Variants in C14orf39 observed in about 807,000 individuals in gnomAD.
The protein encoded by C14orf39 is chromosome 14 open reading frame 39, also known as protein SIX6OS1.
A neutral mutation model predicts 85.6 loss-of-function variants in C14orf39; 66 were observed. The ratio of observed to expected loss-of-function variants is 0.77; its 90% CI spans 0.63 to 0.95. The LOEUF is 0.95. Ranked by LOEUF, C14orf39 falls within the 40% of genes least tolerant of loss-of-function variation. C14orf39 has a pLI of 0.00. For missense variants in C14orf39, 735 were observed against 663.9 expected, an observed-to-expected ratio of 1.11 and a Z score of -1.18; for synonymous variants, 242 against 214.0, an observed-to-expected ratio of 1.13 and a Z score of -1.14.
chr14:60,484,980 A>T lies in C14orf39; in HGVS notation c.50-43T>A, dbSNP rs758297178. Reference sequence around the variant, plus strand: ...CTTGTGACTTCAATTCATTGTTAAAATATCAAATGATCATACAAAAAGCTA... The same window carrying T: ...CTTGTGACTTCAATTCATTGTTAAATTATCAAATGATCATACAAAAAGCTA... On this transcript the variant is annotated intron_variant, in intron 2 of 17. Transcript: ENST00000321731. This position sits in a 1 kb window ranked among gnomAD's most constrained non-coding sequence, Gnocchi z 4.2. 6.3e-7 allele frequency: 1 copy of T among 1,580,864 alleles called. No homozygotes were observed. The highest frequency in any genetic ancestry group is 8.6e-7 in the Non-Finnish European group (1 of 1,165,354).
At position 60,437,013 on chromosome 14, in the gene C14orf39, G is replaced by A; in HGVS notation, c.1596C>T (p.Gly532=). Residue 532 remains glycine, a synonymous_variant, in exon 18 of 18, where the codon GGC becomes GGT. Transcript: ENST00000321731. ...TGTCTGATGGAAAAGAAAATGTAAAGCCATCTTCTCCTTCTGGCTTCTCAA... is the reference window on the plus strand; with the variant it reads ...TGTCTGATGGAAAAGAAAATGTAAAACCATCTTCTCCTTCTGGCTTCTCAA... The part of the protein sequence containing the change: ...NLLEKPEGED[G]FTFSFPSDTS... The A allele has an allele frequency of 6.2e-7, 1 of 1,610,166 alleles. No individual in the cohort carries two copies. Among genetic ancestry groups the A allele is most frequent in the South Asian group, 1.1e-5 (1 of 89,904 alleles).
chr14:60,455,001 C>A lies in C14orf39; in HGVS notation c.1503G>T (p.Gln501His). Residue 501 changes from glutamine (Q) to histidine (H), a missense_variant and splice_region_variant, in exon 16 of 18, where the codon CAG (glutamine) becomes CAT (histidine). Gln to His is a conservative substitution (Grantham distance 24). Coordinates refer to ENST00000321731, the MANE Select transcript of C14orf39 (RefSeq NM_174978.3). ...TAAAACTTTTGGCTTCTCATATTAC[C>A]TGATCTGATGAGATTTCTGTATCAA... ...SVFDTEISSD[Q>H]FNEHYSARNL... 1 of 1,529,854 alleles carries A rather than the reference C, an allele frequency of 6.5e-7. No homozygotes were observed. Among genetic ancestry groups the A allele is most frequent in the Non-Finnish European group, 8.7e-7 (1 of 1,149,478 alleles). The allele number at this position is 1,529,854 out of a possible 1,614,324, so 94.8% of individuals were successfully genotyped here. A position where few individuals can be genotyped will look rare whatever the true frequency, so the allele number is the denominator to read the frequency against.
chr14:60,511,640 T>G (rs79034770), intron 1 of C14orf39: 3 of 363,796 alleles, frequency 8.2e-6, no homozygotes, highest in Non-Finnish European at 1.6e-5. Flanking sequence ...AGTTTTTTTT[T>G]AACAAAACAT....
chr14:60,461,483 G>A (rs1956549), intron 12 of C14orf39, 25 bp downstream of exon 12: 1,403,277 of 1,577,322 alleles, frequency 0.89, 629,120 homozygotes, highest in Non-Finnish European at 0.92. Flanking sequence ...AGAGATTAAA[G>A]CATTTTCTTA....
chr14:60,511,838 A>C lies in C14orf39; in HGVS notation c.-144+3557T>G, dbSNP rs73307455. 530 of 160,462 alleles carry C rather than the reference A, an allele frequency of 3.3e-3. 2 individuals are homozygous for C. The highest frequency in any genetic ancestry group is 0.011 in the African/African-American group (465 of 41,530). 9.9% of individuals were successfully genotyped at this position (160,462 alleles called of 1,614,324 possible). On this transcript the variant is annotated intron_variant, in intron 1 of 5. Transcript: ENST00000556799. ...CTGCTCTCAGATTCCTTTTCTTCTTATTATTATTAATATCATTCCCTTCAC... is the reference window on the plus strand; with the variant it reads ...CTGCTCTCAGATTCCTTTTCTTCTTCTTATTATTAATATCATTCCCTTCAC...
intron 4 of C14orf39, 21 bp downstream of exon 4, chr14:60,483,670 T>C (rs551087757): frequency 3.8e-6 from 6 of 1,567,372 alleles, no homozygotes; most frequent in Middle Eastern, 1.7e-4. Flanking sequence ...GCAATGAAAA[T>C]TGATTCTTTC....
chr14:60,506,938 A>C (rs1248782034), intron 1 of C14orf39, among the ~76,000 whole-genome samples: 1 of 152,186 alleles, frequency 6.6e-6, no homozygotes, highest in East Asian at 1.9e-4. Flanking sequence ...ACAAAGATTA[A>C]GGGTAAGAAA....
At position 60,484,962 on chromosome 14, in the gene C14orf39, CTTCAA is replaced by C. The variant is rs1417506063; in HGVS notation, c.50-30_50-26del. ...ACTAAAATAAATAATTATCTTGTGA[CTTCAA>C]TTCATTGTTAAAATATCAAATGATC... On this transcript the variant is annotated intron_variant, in intron 2 of 17. Coordinates refer to ENST00000321731, the MANE Select transcript of C14orf39 (RefSeq NM_174978.3). The surrounding 1 kb of genome is among the most constrained non-coding windows in gnomAD (Gnocchi z 4.2). The C allele has an allele frequency of 1.1e-5, 17 of 1,579,540 alleles. No individual in the cohort carries two copies. Among genetic ancestry groups the C allele is most frequent in the African/African-American group, 6.9e-5 (5 of 72,900 alleles).
At chr14:60,501,824 T>TG (rs1893153973) in intron 1 of C14orf39, among the ~76,000 whole-genome samples, 7 of 152,154 alleles carry the variant, frequency 4.6e-5, no homozygotes, top group Admixed American at 4.6e-4. Context: ...AAGTGAGACA[T>TG]CATTAAGACA....
chr14:60,459,015 G>T (rs1037260168), intron 13 of C14orf39, among the ~76,000 whole-genome samples: 1 of 151,634 alleles, frequency 6.6e-6, no homozygotes, highest in Non-Finnish European at 1.5e-5. Context: ...ACCATGTCTT[G>T]CTCCTCAGAG....
chr14:60,493,589 T>A (rs1400315336), intron 2 of C14orf39, among the ~76,000 whole-genome samples: 2 of 152,024 alleles, frequency 1.3e-5, no homozygotes, highest in East Asian at 1.9e-4. Context: ...TTCCAAAATT[T>A]AAAAAAAAAA....
chr14:60,480,575 C>A (rs554342899), intron 4 of C14orf39, among the ~76,000 whole-genome samples: 3 of 152,068 alleles, frequency 2.0e-5, no homozygotes, highest in Non-Finnish European at 2.9e-5. Context: ...AATAGAATTA[C>A]CATATGATCC....
chr14:60,443,666 C>A (rs1890628479), intron 16 of C14orf39, among the ~76,000 whole-genome samples: 1 of 152,174 alleles, frequency 6.6e-6, no homozygotes, highest in African/African-American at 2.4e-5. Flanking sequence ...CTGAAGAGAG[C>A]AGTGGTTCTC....
At chr14:60,509,717 CT>C (rs1780494737) in intron 1 of C14orf39, 1 of 1,614,062 alleles carries the variant, frequency 6.2e-7, no homozygotes, top group Non-Finnish European at 8.5e-7. Flanking sequence ...TGGAAGACCC[CT>C]GGGACCTGTG....
At chr14:60,479,686 ATT>A (rs1171758924) in intron 4 of C14orf39, among the ~76,000 whole-genome samples, 3 of 152,128 alleles carry the variant, frequency 2.0e-5, no homozygotes, top group African/African-American at 4.8e-5. Flanking sequence ...TATTATGAAT[ATT>A]GTTTTTTAAT....
intron 5 of C14orf39, among the ~76,000 whole-genome samples, chr14:60,476,035 G>A (rs144229502): frequency 2.6e-5 from 4 of 152,112 alleles, no homozygotes; most frequent in Non-Finnish European, 5.9e-5. Context: ...GCTAGTCAGC[G>A]GGTCTGAATC....
chr14:60,501,810 T>C (rs1893153880), intron 1 of C14orf39, among the ~76,000 whole-genome samples: 1 of 152,108 alleles, frequency 6.6e-6, no homozygotes, highest in African/African-American at 2.4e-5. Context: ...CAGGACAAGA[T>C]GGAAAGTGAG....
intron 5 of C14orf39, among the ~76,000 whole-genome samples, chr14:60,473,033 T>G (rs1892180367): frequency 6.6e-6 from 1 of 152,090 alleles, no homozygotes; most frequent in Non-Finnish European, 1.5e-5. Context: ...AGTGTAAAAG[T>G]GTTCCTATTT....
intron 13 of C14orf39, among the ~76,000 whole-genome samples, chr14:60,459,007 C>T (rs908897711): frequency 1.3e-5 from 2 of 151,640 alleles, no homozygotes; most frequent in African/African-American, 4.8e-5. Flanking sequence ...TCATATTCAC[C>T]ATGTCTTGCT....
Sources: gnomAD v4.1 joint callset for allele counts (sites outside exome capture counted in the v4.1 genomes callset) on GRCh38, gnomAD v4.1.1 for gene constraint, Gnocchi (gnomAD v3.1) non-coding constraint, MANE v1.5 for transcripts, NCBI Gene and HGNC (gene_info 2026-07-23, HGNC 2026-07-21) for gene names.